CPNE4: variants seen among roughly 807,000 people sequenced by gnomAD.
The protein encoded by CPNE4 is copine-4.
Under a neutral mutation model 67.9 loss-of-function variants are expected in CPNE4, and 25 were observed. The ratio of observed to expected loss-of-function variants is 0.37; its 90% CI spans 0.27 to 0.51. The LOEUF (loss-of-function observed/expected upper bound fraction) is 0.51, where lower values mean the gene tolerates loss of function less well. Ranked by LOEUF, CPNE4 falls within the 20% of genes least tolerant of loss-of-function variation. CPNE4 has a pLI of 0.93. For missense variants in CPNE4, 464 were observed against 690.8 expected (o/e 0.67, Z 3.68); for synonymous variants, 242 against 244.9 (o/e 0.99, Z 0.11).
intron 7 of CPNE4, among the ~76,000 whole-genome samples, chr3:131,602,302 A>T (rs1939251606): frequency 6.6e-6 from 1 of 152,176 alleles, no homozygotes; most frequent in Non-Finnish European, 1.5e-5. Flanking sequence ...CCATAGAGAG[A>T]AAACAACAAT....
At chr3:131,634,402 C>G (rs372196034) in intron 7 of CPNE4, among the ~76,000 whole-genome samples, 46 of 152,270 alleles carry the variant, frequency 3.0e-4, no homozygotes, top group African/African-American at 9.6e-4. Context: ...TCAGGTGTAG[C>G]TGTCAGAATC....
chr3:131,584,092 T>C (rs1938019092), intron 8 of CPNE4, among the ~76,000 whole-genome samples: 1 of 152,172 alleles, frequency 6.6e-6, no homozygotes, highest in Non-Finnish European at 1.5e-5. Context: ...CCTGTACCTA[T>C]AGAATCATAA....
At chr3:131,869,473 A>G (rs2087103214) in intron 2 of CPNE4, among the ~76,000 whole-genome samples, 1 of 152,200 alleles carries the variant, frequency 6.6e-6, no homozygotes, top group South Asian at 2.1e-4. Context: ...AACAGCTGTG[A>G]TAGCCCATTC....
intron 7 of CPNE4, among the ~76,000 whole-genome samples, chr3:131,608,582 G>A (rs1385078852): frequency 6.6e-6 from 1 of 152,084 alleles, no homozygotes; most frequent in Non-Finnish European, 1.5e-5. Flanking sequence ...ATGGAGCCAA[G>A]GGGAGGAAGA....
At chr3:131,862,083 T>C (rs772432459) in intron 2 of CPNE4, among the ~76,000 whole-genome samples, 5 of 152,208 alleles carry the variant, frequency 3.3e-5, no homozygotes, top group South Asian at 2.1e-4. Flanking sequence ...TTTTATTCTA[T>C]ATCCTTTCTT....
intron 2 of CPNE4, among the ~76,000 whole-genome samples, chr3:131,743,010 C>T (rs999527897): frequency 1.3e-5 from 2 of 151,902 alleles, no homozygotes; most frequent in African/African-American, 4.8e-5. Flanking sequence ...TAAAGGTGTA[C>T]ATCAACAAAA....
intron 2 of CPNE4, among the ~76,000 whole-genome samples, chr3:131,885,405 T>C (rs558659798): frequency 7.9e-5 from 12 of 151,818 alleles, no homozygotes; most frequent in Non-Finnish European, 1.3e-4. Context: ...TATAGTATTA[T>C]AGTAATAATA....
At chr3:131,916,584 G>C (rs895362426) in intron 1 of CPNE4, among the ~76,000 whole-genome samples, 1 of 152,158 alleles carries the variant, frequency 6.6e-6, no homozygotes, top group Middle Eastern at 3.4e-3. Flanking sequence ...AAAGAAGAGG[G>C]GGTTGAACAG....
At chr3:131,886,653 G>C (rs1011551417) in intron 2 of CPNE4, among the ~76,000 whole-genome samples, 2 of 152,144 alleles carry the variant, frequency 1.3e-5, no homozygotes, top group Admixed American at 6.5e-5. Context: ...AAACCACAGG[G>C]GTGGAGCTGC....
At position 131,687,881 on chromosome 3, in the gene CPNE4, T is replaced by C. The variant is rs567064544; in HGVS notation, c.508-1923A>G. Among the ~76,000 whole-genome samples, 23 of 152,150 alleles carry C rather than the reference T, an allele frequency of 1.5e-4. 1 individual carries two copies. The highest frequency in any genetic ancestry group is 1.2e-3 in the South Asian group (6 of 4,814). On this transcript the variant is annotated intron_variant, in intron 5 of 15. Transcript: ENST00000429747. ...TGAATGAATGAAGGTATAAGGAGTA[T>C]TGAGGGAAGAGAGGGGAGCTGATGA...
intron 7 of CPNE4, among the ~76,000 whole-genome samples, chr3:131,641,364 C>T (rs2079536026): frequency 6.6e-6 from 1 of 151,874 alleles, no homozygotes; most frequent in Non-Finnish European, 1.5e-5. Flanking sequence ...CAGGAATAGA[C>T]AATTCTCAAA....
At chr3:132,009,433 TG>T (rs2073693097) in intron 1 of CPNE4, among the ~76,000 whole-genome samples, 1 of 152,204 alleles carries the variant, frequency 6.6e-6, no homozygotes, top group Non-Finnish European at 1.5e-5. Flanking sequence ...TTCATACCAC[TG>T]AAGCATTTTA....
At chr3:131,940,361 CCTCT>C (rs1343582899) in intron 1 of CPNE4, among the ~76,000 whole-genome samples, 1 of 151,662 alleles carries the variant, frequency 6.6e-6, no homozygotes, top group African/African-American at 2.4e-5. Flanking sequence ...TAATAGTGGC[CCTCT>C]CTGAGTTGCA....
chr3:131,590,695 G>T (rs1938471779), intron 7 of CPNE4, among the ~76,000 whole-genome samples: 1 of 152,166 alleles, frequency 6.6e-6, no homozygotes. Flanking sequence ...TGCTGGAAAT[G>T]TTCAAGCAGA....
At chr3:131,699,785 T>C in intron 4 of CPNE4, 124 bp downstream of exon 4, 1 of 589,416 alleles carries the variant, frequency 1.7e-6, no homozygotes, top group Non-Finnish European at 3.0e-6. Flanking sequence ...ATTTCAATAG[T>C]TCAGTAGTTG....
chr3:131,949,012 G>A (rs78909315), intron 1 of CPNE4, among the ~76,000 whole-genome samples: 3,229 of 152,272 alleles, frequency 0.021, 117 homozygotes, highest in African/African-American at 0.072. Flanking sequence ...GTTGCATGAC[G>A]TTGAGACATT....
At chr3:131,982,987 ATCTT>A (rs2072947313) in intron 1 of CPNE4, among the ~76,000 whole-genome samples, 1 of 152,108 alleles carries the variant, frequency 6.6e-6, no homozygotes, top group Non-Finnish European at 1.5e-5. Context: ...TGAGACAATT[ATCTT>A]TTAGTACATT....
chr3:131,759,741 G>C lies in CPNE4; in HGVS notation c.181-36116C>G, dbSNP rs139438996. Among the ~76,000 whole-genome samples the C allele has an allele frequency of 1.0e-3, 155 of 152,306 alleles. 1 individual carries two copies. Among genetic ancestry groups the C allele is most frequent in the African/African-American group, 3.7e-3 (152 of 41,572 alleles). ...AAAATTGCATAATGGCTTAAAGAAA[G>C]TTTATAGGTTCTTTAAAACCTATCT... On this transcript the variant is annotated intron_variant, in intron 2 of 15. Transcript: ENST00000429747.
chr3:132,034,030 T>C (rs1353863068), intron 1 of CPNE4, among the ~76,000 whole-genome samples: 5 of 152,070 alleles, frequency 3.3e-5, no homozygotes, highest in African/African-American at 1.2e-4. Flanking sequence ...TTTTTAACAC[T>C]GAGAAGAGGC....
Sources: gnomAD v4.1 joint callset for allele counts (sites outside exome capture counted in the v4.1 genomes callset) on GRCh38, gnomAD v4.1.1 for gene constraint, MANE v1.5 for transcripts, NCBI Gene and HGNC (gene_info 2026-07-23, HGNC 2026-07-21) for gene names.